The following ARAP3 variants were observed in gnomAD, a reference collection of about 807,000 sequenced individuals.
ARAP3 encodes ArfGAP with RhoGAP domain, ankyrin repeat and PH domain 3.
In ARAP3, 82 loss-of-function variants were observed where a neutral mutation model predicts 169.2. That is an observed-to-expected ratio of 0.48 (90% confidence interval 0.41 to 0.58). The LOEUF (loss-of-function observed/expected upper bound fraction) is 0.58. Among genes scored for constraint, ARAP3 ranks in the 20% least tolerant of loss-of-function variants. ARAP3 has a pLI of 0.00. For missense variants in ARAP3, 1,764 were observed against 2,018.0 expected (o/e 0.87, Z 2.41); for synonymous variants, 791 against 800.3 (o/e 0.99, Z 0.20).
At chr5:141,681,937 T>C (rs1469334218) in intron 1 of ARAP3, among the ~76,000 whole-genome samples, 2 of 146,096 alleles carry the variant, frequency 1.4e-5, no homozygotes, top group African/African-American at 2.5e-5. Context: ...GCTGAGGTGC[T>C]CGCGGGACAG....
intron 1 of ARAP3, among the ~76,000 whole-genome samples, chr5:141,681,289 C>T (rs894832434): frequency 3.3e-5 from 5 of 152,190 alleles, no homozygotes; most frequent in Admixed American, 6.5e-5. Context: ...CTCTGCCCAC[C>T]GGCAGCATGT....
intron 23 of ARAP3, among the ~76,000 whole-genome samples, chr5:141,658,878 T>C (rs1318590946): frequency 6.6e-6 from 1 of 152,152 alleles, no homozygotes; most frequent in Admixed American, 6.5e-5. Flanking sequence ...GGAGGACAGA[T>C]GTGGAGTCAG....
chr5:141,679,341 A>G, intron 4 of ARAP3, among the ~76,000 whole-genome samples: 1 of 152,138 alleles, frequency 6.6e-6, no homozygotes. Context: ...TTATATGACC[A>G]TTGGTTTGTC....
In ARAP3 at chr5:141,653,579, A is replaced by G. The variant is rs1049915717; in HGVS notation, c.*371T>C. 6.0e-6 allele frequency: 1 copy of G among 166,712 alleles called. No individual in the cohort carries two copies. The highest frequency in any genetic ancestry group is 1.3e-5 in the Non-Finnish European group (1 of 77,864). The allele number at this position is 166,712 out of a possible 1,614,324, so 10.3% of individuals were successfully genotyped here. A position where few individuals can be genotyped will look rare whatever the true frequency, so the allele number is the denominator to read the frequency against. On this transcript the variant is annotated 3_prime_UTR_variant, in exon 33 of 33. Transcript: ENST00000239440. ...GGTTTCCAAAGCATTTTTTTTCTTTAATGCAGTAAAACCATTCCTTTAAAA... is the reference window on the plus strand; with the variant it reads ...GGTTTCCAAAGCATTTTTTTTCTTTGATGCAGTAAAACCATTCCTTTAAAA...
chr5:141,655,382 T>C lies in ARAP3; in HGVS notation c.4129A>G (p.Arg1377Gly). 6.3e-7 allele frequency: 1 copy of C among 1,584,380 alleles called. No individual in the cohort carries two copies. Residue 1377 changes from arginine (R) to glycine (G), a missense_variant, in exon 32 of 33, where the codon AGG (arginine) becomes GGG (glycine). This residue lies in a region of ARAP3 where 1,112 missense variants were observed against 1,285.7 expected (regional missense o/e 0.86). Transcript: ENST00000239440. Reference sequence around the variant, plus strand: ...CTCACAAAGAACATGGACAGGGTCCTCCGGTTGTGTAGTCGCCGCTGGACA... The same window carrying C: ...CTCACAAAGAACATGGACAGGGTCCCCCGGTTGTGTAGTCGCCGCTGGACA... Reference protein sequence around the residue: ...NQTLRRLHNRRTLSMFFPMKS... With the variant: ...NQTLRRLHNRGTLSMFFPMKS...
rs1258442517 is a variant in ARAP3 at position 141,655,378 on chromosome 5, G to T, written c.4133C>A (p.Thr1378Asn). 2 of 1,583,864 alleles carry T rather than the reference G, an allele frequency of 1.3e-6. No homozygotes were observed. The highest frequency in any genetic ancestry group is 1.7e-6 in the Non-Finnish European group (2 of 1,164,622). The stretch of plus-strand genomic sequence containing the variant: ...AATACTCACAAAGAACATGGACAGG[G>T]TCCTCCGGTTGTGTAGTCGCCGCTG... Reference protein sequence around the residue: ...QTLRRLHNRRTLSMFFPMKSS... With the variant: ...QTLRRLHNRRNLSMFFPMKSS... The change falls in exon 32 of 33, where the codon ACC becomes AAC. Residue 1378 changes from threonine to asparagine, a missense_variant. By Grantham distance (65) the Thr-to-Asn change is moderately conservative. Coordinates refer to ENST00000239440, the MANE Select transcript of ARAP3 (RefSeq NM_022481.6).
chr5:141,665,066 C>T lies in ARAP3; in HGVS notation c.2656G>A (p.Glu886Lys). 1 of 1,613,132 alleles carries T rather than the reference C, an allele frequency of 6.2e-7. No homozygotes were observed. The highest frequency in any genetic ancestry group is 8.5e-7 in the Non-Finnish European group (1 of 1,179,546). The change falls in exon 19 of 33, where the codon GAG becomes AAG. Residue 886 changes from glutamate to lysine, a missense_variant. Glu to Lys is a moderately conservative substitution (Grantham distance 56). Coordinates refer to ENST00000239440, the MANE Select transcript of ARAP3 (RefSeq NM_022481.6). Reference sequence around the variant, plus strand: ...CATGCCGTGAAGTCCAGCCGGCCCTCTCCTTGCAGATACAGGGTCCTGAGA... The same window carrying T: ...CATGCCGTGAAGTCCAGCCGGCCCTTTCCTTGCAGATACAGGGTCCTGAGA... Reference protein sequence around the residue: ...ETGRTLYLQGEGRLDFTAWNA... With the variant: ...ETGRTLYLQGKGRLDFTAWNA...
At chr5:141,678,825 T>C (rs1400162121) in intron 4 of ARAP3, among the ~76,000 whole-genome samples, 1 of 152,106 alleles carries the variant, frequency 6.6e-6, no homozygotes, top group Admixed American at 6.5e-5. Context: ...ATTTTTTCCA[T>C]GGCACTTAAT....
chr5:141,656,484 C>G lies in ARAP3; in HGVS notation c.3789+20G>C, dbSNP rs576422457. 6.2e-7 allele frequency: 1 copy of G among 1,607,580 alleles called. No homozygotes were observed. The highest frequency in any genetic ancestry group is 8.5e-7 in the Non-Finnish European group (1 of 1,177,046). On this transcript the variant is annotated intron_variant, in intron 27 of 32. Transcript: ENST00000239440. ...TCCATGGCCACCCAGCATCCCACACCTCTGGCCCCAGGGCCTCACTTTCTT... is the reference window on the plus strand; with the variant it reads ...TCCATGGCCACCCAGCATCCCACACGTCTGGCCCCAGGGCCTCACTTTCTT...
rs2099911564 is a variant in ARAP3, at chr5:141,672,355, C to T, written c.1386-54G>A. 6.2e-7 allele frequency: 1 copy of T among 1,601,326 alleles called. No individual in the cohort carries two copies. The highest frequency in any genetic ancestry group is 1.4e-5 in the African/African-American group (1 of 73,928). On this transcript the variant is annotated intron_variant, in intron 9 of 32. Transcript: ENST00000239440. This position sits in a 1 kb window ranked among gnomAD's most constrained non-coding sequence, Gnocchi z 4.9. ...ATGGACCTACCTGCCATGTCCCATC[C>T]CCCTGGCTCTTCCTGCAGGAGCCAC...
Position 141,680,776 on chromosome 5 carries a change from C to G in ARAP3, c.-17-273G>C, listed in dbSNP as rs369058814. 89 of 469,934 alleles carry G rather than the reference C, an allele frequency of 1.9e-4. 2 individuals carry two copies. In the South Asian group the frequency reaches 2.7e-3, roughly 14 times the overall value. 29.1% of individuals were successfully genotyped at this position (469,934 alleles called of 1,614,324 possible). A position where few individuals can be genotyped will look rare whatever the true frequency, so the allele number is the denominator to read the frequency against. The stretch of plus-strand genomic sequence containing the variant: ...AGTAAGTCAGTGCTAGAGTTGGCCC[C>G]TCAGTTCCTGCCCACCCTGGGTCTG... On this transcript the variant is annotated intron_variant, in intron 1 of 32. Transcript: ENST00000239440.
In ARAP3 at chr5:141,671,877, C is replaced by T. The variant is rs747313055; in HGVS notation, c.1671+18G>A. ...CTCCCTTCTACGCCTCCCACCTTCT[C>T]CCTCTTCGCCCGCTCACCTGTACTA... On this transcript the variant is annotated intron_variant, in intron 11 of 32. Transcript: ENST00000239440. The surrounding 1 kb of genome is among the most constrained non-coding windows in gnomAD (Gnocchi z 4.9). The T allele has an allele frequency of 4.3e-6, 7 of 1,614,052 alleles. No homozygotes were observed. In the East Asian group the frequency reaches 1.6e-4, roughly 36 times the overall value.
At chr5:141,667,044 G>C (rs1425495359) in intron 16 of ARAP3, among the ~76,000 whole-genome samples, 1 of 152,008 alleles carries the variant, frequency 6.6e-6, no homozygotes, top group Non-Finnish European at 1.5e-5. Context: ...TGAGTAGCTG[G>C]GACTACAGGA....
In ARAP3 at chr5:141,662,157, G is replaced by A. The variant is rs750012539; in HGVS notation, c.2899C>T (p.Arg967Ter). 5.0e-6 allele frequency: 8 copies of A among 1,614,038 alleles called. No individual in the cohort carries two copies. The highest frequency in any genetic ancestry group is 1.6e-4 in the Middle Eastern group (1 of 6,084). Residue 967 changes from arginine to a stop codon, truncating the protein, a stop_gained, in exon 20 of 33, where the codon CGA becomes TGA. Coordinates refer to ENST00000239440, the MANE Select transcript of ARAP3 (RefSeq NM_022481.6). LOFTEE classifies it high-confidence loss of function. Reference sequence around the variant, plus strand: ...TCCTCCACAAAGTGCTCCCCTGGTCGGAGCTTCACCGACCGGGCATCCCGA... The same window carrying A: ...TCCTCCACAAAGTGCTCCCCTGGTCAGAGCTTCACCGACCGGGCATCCCGA... ...FRRDARSVKL[R>*]PGEHFVEDVT...
At position 141,658,411 on chromosome 5, in the gene ARAP3, C is replaced by T. The variant is rs1305023354; in HGVS notation, c.3480G>A (p.Gly1160=). ...QVLEMRGTAA[G]MDLWVTFEIR... is the part of the protein sequence containing the mutation. ...TCTCAAAAGTCACCCACAAGTCCAT[C>T]CCAGCTGCTGTCCCCCGCATCTCCA... Residue 1160 remains glycine (G), a synonymous_variant, in exon 25 of 33, where the codon GGG becomes GGA. Coordinates refer to ENST00000239440, the MANE Select transcript of ARAP3 (RefSeq NM_022481.6). 1.9e-6 allele frequency: 3 copies of T among 1,613,980 alleles called. No homozygotes were observed. The highest frequency in any genetic ancestry group is 1.7e-5 in the Admixed American group (1 of 60,008).
Position 141,656,924 on chromosome 5 carries a change from C to T in ARAP3, c.3527-78G>A. The T allele has an allele frequency of 9.2e-6, 14 of 1,513,792 alleles. No individual in the cohort carries two copies. In the Admixed American group the frequency reaches 1.7e-4, roughly 18 times the overall value. 93.8% of individuals were successfully genotyped at this position (1,513,792 alleles called of 1,614,324 possible). ...CCCCAGCTCTCACCAGTCATTCATT[C>T]ATCCATTCAACTATCCAACCACAGA... is the stretch of plus-strand genomic sequence containing the variant. On this transcript the variant is annotated intron_variant, in intron 25 of 32. Transcript: ENST00000239440.
Position 141,680,635 on chromosome 5 carries a change from C to A in ARAP3, c.-17-132G>T, listed in dbSNP as rs72792362. ...AGAAAGATGCTGAAAGGCCTGCGAT[C>A]TGGAAGCAGAGCCATCCCAGAACAA... On this transcript the variant is annotated intron_variant, in intron 1 of 32. Coordinates refer to ENST00000239440, the MANE Select transcript of ARAP3 (RefSeq NM_022481.6). 0.011 allele frequency: 15,580 copies of A among 1,360,312 alleles called. 121 individuals are homozygous for A. Among genetic ancestry groups the A allele is most frequent in the Non-Finnish European group, 0.013 (13,548 of 1,033,126 alleles). The allele number at this position is 1,360,312 out of a possible 1,614,324, so 84.3% of individuals were successfully genotyped here. A position where few individuals can be genotyped will look rare whatever the true frequency, so the allele number is the denominator to read the frequency against.
intron 27 of ARAP3, 59 bp downstream of exon 27, chr5:141,656,445 A>G (rs913033042): frequency 6.3e-7 from 1 of 1,588,264 alleles, no homozygotes; most frequent in African/African-American, 1.3e-5. Context: ...GGGTGGGTGC[A>G]GTCATGGCTC....
chr5:141,673,814 G>A lies in ARAP3; in HGVS notation c.699-6C>T. ...CCAGATCCTGTCTGCTGAGCCTTGTGGGGGCCAAGACAGGGAGGGACACAC... is the reference window on the plus strand; with the variant it reads ...CCAGATCCTGTCTGCTGAGCCTTGTAGGGGCCAAGACAGGGAGGGACACAC... On this transcript the variant is annotated splice_polypyrimidine_tract_variant and splice_region_variant and intron_variant, in intron 4 of 32. Transcript: ENST00000239440. 2 of 1,613,678 alleles carry A rather than the reference G, an allele frequency of 1.2e-6. No homozygotes were observed. The highest frequency in any genetic ancestry group is 1.7e-6 in the Non-Finnish European group (2 of 1,179,928).
Sources: allele counts gnomAD v4.1 joint callset (sites outside exome capture counted in the v4.1 genomes callset), GRCh38; gene constraint gnomAD v4.1.1; regional missense constraint gnomAD v4.1.1; non-coding constraint Gnocchi (gnomAD v3.1); transcripts MANE v1.5; gene names NCBI Gene and HGNC (gene_info 2026-07-23, HGNC 2026-07-21).